SLAIN2: variants seen among roughly 807,000 people sequenced by gnomAD.
SLAIN2 encodes SLAIN family member 2.
SLAIN2 carries 31 observed loss-of-function variants against 56.6 expected under a neutral mutation model. The observed-to-expected ratio is 0.55, with a 90% CI of 0.41 to 0.74. SLAIN2 has a LOEUF of 0.74. Among genes scored for constraint, SLAIN2 ranks in the 30% least tolerant of loss-of-function variants. The pLI, the probability that SLAIN2 is intolerant of heterozygous loss-of-function variation, is 0.00. For missense variants in SLAIN2, 777 were observed against 754.2 expected, an observed-to-expected ratio of 1.03 and a Z score of -0.35; for synonymous variants, 317 against 284.9, an observed-to-expected ratio of 1.11 and a Z score of -1.13.
At chr4:48,408,015 A>G (rs540842652) in intron 6 of SLAIN2, among the ~76,000 whole-genome samples, 1 of 152,264 alleles carries the variant, frequency 6.6e-6, no homozygotes, top group African/African-American at 2.4e-5. Flanking sequence ...ATTCTGTAGC[A>G]TGTATCAGTA....
At chr4:48,365,252 T>C (rs1715482011) in intron 1 of SLAIN2, among the ~76,000 whole-genome samples, 1 of 151,880 alleles carries the variant, frequency 6.6e-6, no homozygotes, top group African/African-American at 2.4e-5. Context: ...ACGAATCACT[T>C]GAAGTCAGGA....
intron 6 of SLAIN2, among the ~76,000 whole-genome samples, chr4:48,384,422 A>G (rs1716049678): frequency 1.3e-5 from 2 of 152,214 alleles, no homozygotes; most frequent in African/African-American, 4.8e-5. Context: ...AAAAAATACA[A>G]TATTGAATCA....
intron 6 of SLAIN2, among the ~76,000 whole-genome samples, chr4:48,387,090 A>T (rs948165336): frequency 9.2e-5 from 14 of 152,194 alleles, no homozygotes; most frequent in African/African-American, 2.9e-4. Flanking sequence ...GATACTTTCT[A>T]AAACTAGCTA....
chr4:48,413,513 A>G (rs1178841255), intron 6 of SLAIN2, among the ~76,000 whole-genome samples: 1 of 152,182 alleles, frequency 6.6e-6, no homozygotes, highest in African/African-American at 2.4e-5. Context: ...TAGCAGCCAG[A>G]ACTTATTTTT....
chr4:48,388,025 C>G (rs1040331044), intron 6 of SLAIN2, among the ~76,000 whole-genome samples: 1 of 152,094 alleles, frequency 6.6e-6, no homozygotes, highest in Non-Finnish European at 1.5e-5. Context: ...ACTTGCTGGT[C>G]TGCATGAACC....
intron 6 of SLAIN2, among the ~76,000 whole-genome samples, chr4:48,414,418 T>G (rs1453238741): frequency 6.6e-6 from 1 of 152,212 alleles, no homozygotes. Flanking sequence ...ACAATTTGTT[T>G]AATATTTTAC....
chr4:48,369,236 C>T (rs1169077887), intron 1 of SLAIN2, among the ~76,000 whole-genome samples: 2 of 152,168 alleles, frequency 1.3e-5, no homozygotes, highest in African/African-American at 4.8e-5. Context: ...TCCTTATCTT[C>T]TGCTCAACTT....
chr4:48,386,090 GA>G (rs763740224), intron 6 of SLAIN2, among the ~76,000 whole-genome samples: 2,142 of 76,842 alleles, frequency 0.028, 12 homozygotes, highest in East Asian at 0.082. Flanking sequence ...TCTATTGAAA[GA>G]AAAAAAAAAA....
chr4:48,363,402 C>CA (rs1417963110), intron 1 of SLAIN2, among the ~76,000 whole-genome samples: 9 of 80,492 alleles, frequency 1.1e-4, no homozygotes, highest in African/African-American at 3.6e-4. Context: ...CTGACCCCCC[C>CA]CCACCTCCCT....
intron 1 of SLAIN2, among the ~76,000 whole-genome samples, chr4:48,368,164 TC>T (rs1715574434): frequency 6.7e-6 from 1 of 150,192 alleles, no homozygotes; most frequent in Non-Finnish European, 1.5e-5. Context: ...TTCTTGTGCC[TC>T]AGCCTCCCGA....
chr4:48,356,692 C>T (rs1436908928), intron 1 of SLAIN2, among the ~76,000 whole-genome samples: 1 of 152,030 alleles, frequency 6.6e-6, no homozygotes, highest in African/African-American at 2.4e-5. Flanking sequence ...TATGGTTCAG[C>T]ACTAGAAGTT....
chr4:48,364,679 G>T, intron 1 of SLAIN2, among the ~76,000 whole-genome samples: 1 of 122,676 alleles, frequency 8.2e-6, no homozygotes, highest in African/African-American at 2.9e-5. Context: ...CTGGAGATCG[G>T]CCCGGCCAAC....
At chr4:48,418,670 G>C (rs1224894277) in intron 6 of SLAIN2, among the ~76,000 whole-genome samples, 2 of 152,080 alleles carry the variant, frequency 1.3e-5, no homozygotes, top group Non-Finnish European at 2.9e-5. Context: ...TTCATAAAAT[G>C]AATTGGGACA....
At chr4:48,394,146 T>A (rs571718432) in intron 6 of SLAIN2, among the ~76,000 whole-genome samples, 1 of 152,356 alleles carries the variant, frequency 6.6e-6, no homozygotes, top group African/African-American at 2.4e-5. Flanking sequence ...AGATTATGGT[T>A]TCACATTAGG....
chr4:48,419,422 G>A (rs1303404442), intron 6 of SLAIN2, among the ~76,000 whole-genome samples: 1 of 151,952 alleles, frequency 6.6e-6, no homozygotes, highest in Non-Finnish European at 1.5e-5. Flanking sequence ...TCTTTTTGAA[G>A]CAGAGTCTTG....
intron 1 of SLAIN2, among the ~76,000 whole-genome samples, chr4:48,346,221 G>C (rs146414732): frequency 6.6e-6 from 1 of 152,070 alleles, no homozygotes; most frequent in Non-Finnish European, 1.5e-5. Context: ...GTTTGGTCTG[G>C]ACTTTCTAGA....
intron 6 of SLAIN2, among the ~76,000 whole-genome samples, chr4:48,397,304 C>T (rs754413906): frequency 1.3e-4 from 19 of 151,844 alleles, no homozygotes; most frequent in Non-Finnish European, 2.8e-4. Context: ...GACATTCATG[C>T]GGCCAACAAA....
At chr4:48,407,629 A>C (rs1716735491) in intron 6 of SLAIN2, among the ~76,000 whole-genome samples, 1 of 152,032 alleles carries the variant, frequency 6.6e-6, no homozygotes, top group East Asian at 1.9e-4. Flanking sequence ...TATGGTTCTT[A>C]GCTCTCTCTC....
chr4:48,346,466 G>A (rs1231795164), intron 1 of SLAIN2, among the ~76,000 whole-genome samples: 1 of 152,036 alleles, frequency 6.6e-6, no homozygotes, highest in African/African-American at 2.4e-5. Context: ...GTTGATAAAT[G>A]TCCCAATTCA....
Sources: gnomAD v4.1 joint callset for allele counts (sites outside exome capture counted in the v4.1 genomes callset) on GRCh38, gnomAD v4.1.1 for gene constraint, MANE v1.5 for transcripts, NCBI Gene and HGNC (gene_info 2026-07-23, HGNC 2026-07-21) for gene names.